The following DHX40 variants were observed in gnomAD, a reference collection of about 807,000 sequenced individuals.
DHX40 encodes the protein probable ATP-dependent RNA helicase DHX40.
A neutral mutation model predicts 89.6 loss-of-function variants in DHX40; 28 were observed. That is an observed-to-expected ratio of 0.31 (90% CI 0.23 to 0.43). DHX40 has a LOEUF of 0.43. Ranked by LOEUF, DHX40 falls within the 20% of genes least tolerant of loss-of-function variation. The pLI, the probability that DHX40 is intolerant of heterozygous loss-of-function variation, is 1.00. For synonymous variants in DHX40, 226 were observed against 283.6 expected (o/e 0.80, Z 2.04); for missense variants, 457 against 844.0 (o/e 0.54, Z 5.68).
chr17:59,599,182 T>G (rs2030317104), intron 13 of DHX40, among the ~76,000 whole-genome samples, 193 bp from the exon 14 acceptor site: 1 of 151,308 alleles, frequency 6.6e-6, no homozygotes, highest in South Asian at 2.1e-4. Context: ...ATTTTTTAAT[T>G]TAGTCAGGGG....
chr17:59,572,490 C>T (rs564854248), intron 3 of DHX40, among the ~76,000 whole-genome samples: 48 of 152,222 alleles, frequency 3.2e-4, no homozygotes, highest in African/African-American at 1.0e-3. Context: ...GCAGTCCTCC[C>T]GTCTCAGCCT....
intron 11 of DHX40, 28 bp from the exon 12 acceptor site, chr17:59,587,868 G>A: frequency 1.9e-6 from 3 of 1,582,258 alleles, no homozygotes; most frequent in African/African-American, 2.7e-5. Flanking sequence ...AGTGTAGAAA[G>A]ACTTACAAAC....
chr17:59,576,592 ACT>A (rs545053348), intron 7 of DHX40, among the ~76,000 whole-genome samples: 4 of 152,148 alleles, frequency 2.6e-5, no homozygotes, highest in African/African-American at 7.2e-5. Context: ...TTAGCTTCTT[ACT>A]CTCTATTGAA....
chr17:59,605,435 GT>G lies in DHX40; in HGVS notation c.1972-7del. The G allele has an allele frequency of 6.2e-7, 1 of 1,607,384 alleles. No individual in the cohort carries two copies. The highest frequency in any genetic ancestry group is 8.5e-7 in the Non-Finnish European group (1 of 1,174,784). ...TTGAGTTACCATCATTAAAAGAAATGTTTTGTATAGCTTCATGAACAGGAAA... is the reference window on the plus strand; with the variant it reads ...TTGAGTTACCATCATTAAAAGAAATGTTTGTATAGCTTCATGAACAGGAAA... On this transcript the variant is annotated splice_polypyrimidine_tract_variant and intron_variant, in intron 16 of 17. Transcript: ENST00000251241.
At chr17:59,597,797 C>T (rs1407187639) in intron 12 of DHX40, among the ~76,000 whole-genome samples, 2 of 150,734 alleles carry the variant, frequency 1.3e-5, no homozygotes, top group African/African-American at 2.4e-5. Context: ...TAGCCGGGCG[C>T]GGTGGCGGGC....
intron 3 of DHX40, among the ~76,000 whole-genome samples, chr17:59,572,444 T>C (rs887474554): frequency 6.6e-6 from 1 of 152,174 alleles, no homozygotes; most frequent in Non-Finnish European, 1.5e-5. Flanking sequence ...AATGGCGTGA[T>C]CTCAGCTCAC....
chr17:59,602,201 A>T (rs2030572235), intron 14 of DHX40, among the ~76,000 whole-genome samples: 1 of 152,002 alleles, frequency 6.6e-6, no homozygotes, highest in Admixed American at 6.6e-5. Flanking sequence ...TAACCCAGGG[A>T]GTTCTCTGAG....
At chr17:59,587,798 A>C in intron 11 of DHX40, 98 bp from the exon 12 acceptor site, 2 of 1,520,764 alleles carry the variant, frequency 1.3e-6, no homozygotes, top group South Asian at 1.2e-5. Flanking sequence ...AGGTGATTGG[A>C]GGTAACGTAA....
intron 10 of DHX40, among the ~76,000 whole-genome samples, chr17:59,585,433 C>T (rs1352024658): frequency 1.4e-5 from 2 of 148,128 alleles, no homozygotes; most frequent in African/African-American, 5.1e-5. Context: ...ATTTAAGAAG[C>T]ATTTTGAGGC....
chr17:59,604,870 T>G (rs1426570298), intron 15 of DHX40: 2 of 428,564 alleles, frequency 4.7e-6, no homozygotes, highest in East Asian at 7.3e-5. Context: ...TTGTTAATAT[T>G]TGTACTGATT....
intron 12 of DHX40, among the ~76,000 whole-genome samples, chr17:59,592,611 T>G (rs2049100340): frequency 1.3e-5 from 2 of 148,792 alleles, no homozygotes; most frequent in Middle Eastern, 3.4e-3. Flanking sequence ...AGAGTCTTGC[T>G]CTGTCATCCA....
Position 59,605,585 on chromosome 17 carries a change from C to T in DHX40, c.2111C>T (p.Ala704Val). Reference protein sequence around the residue: ...DLLPKLHEFNAHDLSSVARRE... With the variant: ...DLLPKLHEFNVHDLSSVARRE... ...TTACCCAAGTTGCATGAATTTAATG[C>T]ACATGATTTGAGCAGTGTGGCCCGA... Residue 704 changes from alanine to valine, a missense_variant, in exon 17 of 18, where the codon GCA (alanine) becomes GTA (valine). Ala to Val is a moderately conservative substitution (Grantham distance 64). This residue lies in a region of DHX40 where 120 missense variants were observed against 161.7 expected (regional missense o/e 0.74). Transcript: ENST00000251241. 6.2e-7 allele frequency: 1 copy of T among 1,614,066 alleles called. No individual in the cohort carries two copies. The highest frequency in any genetic ancestry group is 1.1e-5 in the South Asian group (1 of 91,080).
At chr17:59,605,356 A>G in intron 16 of DHX40, 90 bp from the exon 17 acceptor site, 1 of 1,386,372 alleles carries the variant, frequency 7.2e-7, no homozygotes, top group Non-Finnish European at 9.9e-7. Context: ...GATAGGAATT[A>G]ATTGAGAAGG....
At chr17:59,590,015 G>A (rs1002438089) in intron 12 of DHX40, among the ~76,000 whole-genome samples, 21 of 151,732 alleles carry the variant, frequency 1.4e-4, no homozygotes, top group Admixed American at 8.5e-4. Flanking sequence ...CCAGCCCGGC[G>A]TTAATTTCCT....
At chr17:59,596,756 T>C (rs2030109809) in intron 12 of DHX40, among the ~76,000 whole-genome samples, 1 of 152,210 alleles carries the variant, frequency 6.6e-6, no homozygotes, top group Non-Finnish European at 1.5e-5. Context: ...AGTTGGAAGC[T>C]ACTTAAAGCA....
intron 3 of DHX40, among the ~76,000 whole-genome samples, chr17:59,572,179 A>G (rs2048819031): frequency 1.3e-5 from 2 of 152,178 alleles, no homozygotes; most frequent in Non-Finnish European, 2.9e-5. Context: ...CTGTCCAGCT[A>G]CAAAACGATC....
intron 8 of DHX40, among the ~76,000 whole-genome samples, chr17:59,578,337 CT>C (rs2048913297): frequency 1.1e-5 from 1 of 92,390 alleles, no homozygotes; most frequent in Admixed American, 1.3e-4. Flanking sequence ...GAGTGCTCTC[CT>C]GGGTAAATTA....
At chr17:59,599,539 A>G in intron 14 of DHX40, 56 bp downstream of exon 14, 9 of 1,555,298 alleles carry the variant, frequency 5.8e-6, no homozygotes, top group Non-Finnish European at 7.0e-6. Flanking sequence ...TATATTTCAT[A>G]TTGAAGTTTC....
In DHX40 at chr17:59,588,911, G is replaced by T. The variant is rs115235421; in HGVS notation, c.1582+858G>T. 7.1e-3 allele frequency among the ~76,000 whole-genome samples: 1,087 copies of T among 152,218 alleles called. 17 individuals carry two copies. Among genetic ancestry groups the T allele is most frequent in the African/African-American group, 0.025 (1,059 of 41,548 alleles). On this transcript the variant is annotated intron_variant, in intron 12 of 17. Coordinates refer to ENST00000251241, the MANE Select transcript of DHX40 (RefSeq NM_024612.5). The stretch of plus-strand genomic sequence containing the variant: ...TCTTTTAGTATTTGGACGTACAGTT[G>T]TTGCGGTACCATTTGTTCAAAACAC...
Sources: gnomAD v4.1 joint callset for allele counts (sites outside exome capture counted in the v4.1 genomes callset) on GRCh38, gnomAD v4.1.1 for gene constraint, gnomAD v4.1.1 regional missense constraint, MANE v1.5 for transcripts, NCBI Gene and HGNC (gene_info 2026-07-23, HGNC 2026-07-21) for gene names.